The following ZSCAN18 variants were observed in gnomAD, a reference collection of about 807,000 sequenced individuals.
The protein encoded by ZSCAN18 is zinc finger and SCAN domain containing 18, also known as zinc finger and SCAN domain-containing protein 18.
ZSCAN18 carries 16 observed loss-of-function variants against 31.1 expected under a neutral mutation model. The ratio of observed to expected loss-of-function variants is 0.51; its 90% CI spans 0.35 to 0.78. The LOEUF is 0.78. ZSCAN18 is among the 30% of genes least tolerant of loss of function. The pLI is 0.01. For missense variants in ZSCAN18, 731 were observed against 697.4 expected (o/e 1.05, Z -0.54); for synonymous variants, 375 against 320.7 (o/e 1.17, Z -1.81).
At chr19:58,102,840 G>C (rs1474695246), upstream of ZSCAN18, among the ~76,000 whole-genome samples, 1 of 152,042 alleles carries the variant, frequency 6.6e-6, no homozygotes, top group Non-Finnish European at 1.5e-5. Context: ...GCTAATAAAA[G>C]GCTGCCTGAG....
chr19:58,085,446 A>G, intron 6 of ZSCAN18, 67 bp from the exon 7 acceptor site: 1 of 1,392,466 alleles, frequency 7.2e-7, no homozygotes, highest in Non-Finnish European at 9.5e-7. Context: ...GACCCAGCCG[A>G]GCCTCAGCTG....
intron 5 of ZSCAN18, 91 bp from the exon 6 acceptor site, chr19:58,086,357 C>A: frequency 8.9e-7 from 1 of 1,126,300 alleles, no homozygotes. Context: ...GGGCAGGCTG[C>A]AGCCCACCTC....
At chr19:58,112,949 T>TTAAAAAAA (rs2074697790) in intron 1 of ZSCAN18, among the ~76,000 whole-genome samples, 1 of 8,156 alleles carries the variant, frequency 1.2e-4, no homozygotes, top group Non-Finnish European at 4.9e-4. Flanking sequence ...AGGCTCCGTT[T>TTAAAAAAA]CAAAAAAAAA....
At chr19:58,100,843 C>T (rs1482330451), upstream of ZSCAN18, among the ~76,000 whole-genome samples, 1 of 151,678 alleles carries the variant, frequency 6.6e-6, no homozygotes, top group Non-Finnish European at 1.5e-5. Context: ...CCACTGCACT[C>T]CAGCCTGGGC....
chr19:58,091,810 C>T (rs1309640509), intron 1 of ZSCAN18, among the ~76,000 whole-genome samples: 2 of 152,204 alleles, frequency 1.3e-5, no homozygotes, highest in African/African-American at 4.8e-5. Context: ...AGCTGTCCAC[C>T]TTCTCCCAGG....
chr19:58,102,240 C>CCT (rs2074600181), upstream of ZSCAN18, among the ~76,000 whole-genome samples: 3 of 152,128 alleles, frequency 2.0e-5, no homozygotes, highest in East Asian at 3.9e-4. Flanking sequence ...GGGCTGCTCA[C>CCT]GAGGTCAGGA....
At chr19:58,086,445 G>C in intron 5 of ZSCAN18, 179 bp from the exon 6 acceptor site, 1 of 530,840 alleles carries the variant, frequency 1.9e-6, no homozygotes, top group Non-Finnish European at 3.3e-6. Context: ...AAGAAGGCGA[G>C]GCTGGAAGGG....
chr19:58,094,603 T>A (rs916018879), intron 1 of ZSCAN18, among the ~76,000 whole-genome samples: 1 of 150,878 alleles, frequency 6.6e-6, no homozygotes, highest in African/African-American at 2.4e-5. Flanking sequence ...GGTGGCCAGG[T>A]GTGGTGGCTC....
chr19:58,088,096 C>G (rs1160049257), intron 3 of ZSCAN18: 1 of 153,738 alleles, frequency 6.5e-6, no homozygotes. Flanking sequence ...ACCACTTGCC[C>G]AGTGGTCCTG....
At chr19:58,111,875 G>A (rs2074686129) in intron 1 of ZSCAN18, among the ~76,000 whole-genome samples, 2 of 152,156 alleles carry the variant, frequency 1.3e-5, no homozygotes, top group South Asian at 4.1e-4. Context: ...AAGTAGGACT[G>A]TTCATGGAAT....
chr19:58,112,637 C>CA (rs200712013), intron 1 of ZSCAN18, among the ~76,000 whole-genome samples: 3,816 of 63,724 alleles, frequency 0.06, 152 homozygotes, highest in African/African-American at 0.13. Context: ...GGCGACAGAG[C>CA]AAGACTGTCT....
chr19:58,086,847 C>T (rs2074290180), intron 5 of ZSCAN18, 59 bp downstream of exon 5: 3 of 1,391,574 alleles, frequency 2.2e-6, no homozygotes, highest in Non-Finnish European at 2.0e-6. Flanking sequence ...GTCTCCTGCA[C>T]CAACCCCTGC....
At chr19:58,085,505 G>C in intron 6 of ZSCAN18, 126 bp from the exon 7 acceptor site, 1 of 847,782 alleles carries the variant, frequency 1.2e-6, no homozygotes, top group Non-Finnish European at 1.8e-6. Flanking sequence ...CGGGGCTCAC[G>C]GCTGTTTGGA....
chr19:58,092,180 T>A (rs1176773674), intron 1 of ZSCAN18, among the ~76,000 whole-genome samples: 2 of 152,080 alleles, frequency 1.3e-5, no homozygotes, highest in Non-Finnish European at 2.9e-5. Context: ...TGCTCAACGG[T>A]GAGTACTGCA....
intron 1 of ZSCAN18, among the ~76,000 whole-genome samples, chr19:58,093,654 C>T (rs1441256549): frequency 5.9e-5 from 9 of 152,210 alleles, no homozygotes; most frequent in South Asian, 2.1e-4. Flanking sequence ...AACCAGTTAA[C>T]GAGTTCCCTG....
chr19:58,089,682 C>T (rs749628593), intron 2 of ZSCAN18, among the ~76,000 whole-genome samples, 183 bp downstream of exon 2: 34 of 152,228 alleles, frequency 2.2e-4, no homozygotes, highest in Non-Finnish European at 4.7e-4. Flanking sequence ...TTCCCTCATT[C>T]CTCTGGCTTC....
rs976644333 is a variant in ZSCAN18 at position 58,083,918 on chromosome 19, A to G, written c.*767T>C. 2.0e-5 allele frequency: 3 copies of G among 152,256 alleles called. No homozygotes were observed. The highest frequency in any genetic ancestry group is 1.3e-4 in the Admixed American group (2 of 15,278). The allele number at this position is 152,256 out of a possible 1,614,324, so 9.4% of individuals were successfully genotyped here. A position where few individuals can be genotyped will look rare whatever the true frequency, so the allele number is the denominator to read the frequency against. On this transcript the variant is annotated 3_prime_UTR_variant, in exon 7 of 7. Coordinates refer to ENST00000601144, the MANE Select transcript of ZSCAN18 (RefSeq NM_001145543.2). ...GTGTTTTCAACTTATTTTGCTCACA[A>G]CTTCCCAGCAAGAAATGTCTTACAT...
rs763401501 is a variant in ZSCAN18, at chr19:58,088,702, G to A, written c.539C>T (p.Ala180Val). The A allele has an allele frequency of 6.2e-7, 1 of 1,609,958 alleles. No individual in the cohort carries two copies. Among genetic ancestry groups the A allele is most frequent in the East Asian group, 2.2e-5 (1 of 44,852 alleles). ...SQALGAGEIP[A>V]PSETPWLSPD... ...TGGGCACTCACGTGTCTCAGAAGGT[G>A]CCGGGATCTCCCCAGCTCCAAGGGC... The change falls in exon 3 of 7, where the codon GCA becomes GTA. Residue 180 changes from alanine to valine, a missense_variant. Physicochemically the swap from Ala to Val is moderately conservative, Grantham distance 64. Coordinates refer to ENST00000601144, the MANE Select transcript of ZSCAN18 (RefSeq NM_001145543.2).
At chr19:58,107,383 C>T (rs952178250) in intron 1 of ZSCAN18, among the ~76,000 whole-genome samples, 1 of 148,382 alleles carries the variant, frequency 6.7e-6, no homozygotes, top group Non-Finnish European at 1.5e-5. Context: ...ATGGTGAAAC[C>T]CTATCTCTAC....
Sources: gnomAD v4.1 joint callset for allele counts (sites outside exome capture counted in the v4.1 genomes callset) on GRCh38, gnomAD v4.1.1 for gene constraint, MANE v1.5 for transcripts, NCBI Gene and HGNC (gene_info 2026-07-23, HGNC 2026-07-21) for gene names.